DCPS: variants seen among roughly 807,000 people sequenced by gnomAD.
The protein encoded by DCPS is decapping enzyme, scavenger, also known as m7GpppX diphosphatase.
A neutral mutation model predicts 34.7 loss-of-function variants in DCPS; 27 were observed. The observed-to-expected ratio is 0.78, with a 90% confidence interval of 0.57 to 1.07. The LOEUF is 1.07. Ranked by LOEUF, DCPS falls within the 50% of genes least tolerant of loss-of-function variation. The pLI is 0.00. For synonymous variants in DCPS, 185 were observed against 185.7 expected, an observed-to-expected ratio of 1.00 and a Z score of 0.03; for missense variants, 464 against 436.9, an observed-to-expected ratio of 1.06 and a Z score of -0.55.
At chr11:126,309,650 C>G (rs553220460) in intron 2 of DCPS, among the ~76,000 whole-genome samples, 2 of 152,260 alleles carry the variant, frequency 1.3e-5, no homozygotes, top group South Asian at 2.1e-4. Context: ...CATGCGGTGC[C>G]TTTCGCTCCT....
chr11:126,330,688 CATATATATATATAT>C lies in DCPS; in HGVS notation c.377-698_377-685del, dbSNP rs766232318. ...TTAAGGGGACTACTGGGCTTTAAAC[CATATATATATATAT>C]ATATATATATATATATATTTTTTTT... On this transcript the variant is annotated intron_variant, in intron 2 of 5. Coordinates refer to ENST00000263579, the MANE Select transcript of DCPS (RefSeq NM_014026.6). 1.9e-3 allele frequency among the ~76,000 whole-genome samples: 60 copies of C among 31,600 alleles called. 1 individual carries two copies. The highest frequency in any genetic ancestry group is 5.9e-3 in the African/African-American group (43 of 7,262). 20.7% of individuals were successfully genotyped at this position (31,600 alleles called of 152,430 possible). A position where few individuals can be genotyped will look rare whatever the true frequency, so the allele number is the denominator to read the frequency against.
rs1951799551 is a variant in DCPS at position 126,332,210 on chromosome 11, G to C, written c.522+660G>C. On this transcript the variant is annotated intron_variant, in intron 3 of 5. Coordinates refer to ENST00000263579, the MANE Select transcript of DCPS (RefSeq NM_014026.6). This position sits in a 1 kb window ranked among gnomAD's most constrained non-coding sequence, Gnocchi z 5.4. ...GTCCAAAAGAAGGCAGGACCCCATT[G>C]GCCCCGGGGATTTGGTGCAGGGACT... Among the ~76,000 whole-genome samples, 1 of 152,170 alleles carries C rather than the reference G, an allele frequency of 6.6e-6. No homozygotes were observed. The highest frequency in any genetic ancestry group is 2.4e-5 in the African/African-American group (1 of 41,442).
Position 126,332,982 on chromosome 11 carries a change from C to T in DCPS, c.522+1432C>T, listed in dbSNP as rs944118513. On this transcript the variant is annotated intron_variant, in intron 3 of 5. Coordinates refer to ENST00000263579, the MANE Select transcript of DCPS (RefSeq NM_014026.6). The surrounding 1 kb of genome is among the most constrained non-coding windows in gnomAD (Gnocchi z 5.4). ...TGGTTGGTGTGAGTAGCTGGGATTA[C>T]AGGTGCTTGCCACCATGCCTGGCTA... is the stretch of plus-strand genomic sequence containing the variant. Among the ~76,000 whole-genome samples, 2 of 152,132 alleles carry T rather than the reference C, an allele frequency of 1.3e-5. No individual in the cohort carries two copies. The highest frequency in any genetic ancestry group is 2.9e-5 in the Non-Finnish European group (2 of 68,028).
At chr11:126,326,290 G>A (rs898820623) in intron 2 of DCPS, among the ~76,000 whole-genome samples, 3 of 152,160 alleles carry the variant, frequency 2.0e-5, no homozygotes, top group Admixed American at 1.3e-4. Context: ...ATGGCAGGGA[G>A]AGCCTGGCAA....
chr11:126,304,157 A>G lies in DCPS; in HGVS notation c.77A>G (p.Glu26Gly). 1 of 1,614,232 alleles carries G rather than the reference A, an allele frequency of 6.2e-7. No individual in the cohort carries two copies. ...GAGGAGGCCCACGCCGCCAGCACAG[A>G]GGAAAAGGAGGCAGGAGTTGGAAAT... ...DVEEAHAASTEEKEAGVGNGT... is the reference protein window; with the variant it reads ...DVEEAHAASTGEKEAGVGNGT... The change falls in exon 1 of 6, where the codon GAG (glutamate) becomes GGG (glycine). Residue 26 changes from glutamate to glycine, a missense_variant. Glu to Gly is a moderately conservative substitution (Grantham distance 98). Coordinates refer to ENST00000263579, the MANE Select transcript of DCPS (RefSeq NM_014026.6).
Position 126,320,946 on chromosome 11 carries a change from A to T in DCPS, c.377-10459A>T, listed in dbSNP as rs2135318804. ...TGCCCCAGCAGGAGAGTAGAGCAGAAATGTCTGGAGAGGGTGACATACCAG... is the reference window on the plus strand; with the variant it reads ...TGCCCCAGCAGGAGAGTAGAGCAGATATGTCTGGAGAGGGTGACATACCAG... On this transcript the variant is annotated intron_variant, in intron 2 of 5. Transcript: ENST00000263579. The surrounding 1 kb of genome is among the most constrained non-coding windows in gnomAD (Gnocchi z 4.7). Among the ~76,000 whole-genome samples the T allele has an allele frequency of 6.6e-6, 1 of 152,162 alleles. No individual in the cohort carries two copies. Among genetic ancestry groups the T allele is most frequent in the African/African-American group, 2.4e-5 (1 of 41,530 alleles).
Position 126,313,255 on chromosome 11 carries a change from A to T in DCPS, c.376+6511A>T, listed in dbSNP as rs1234305983. On this transcript the variant is annotated intron_variant, in intron 2 of 5. Coordinates refer to ENST00000263579, the MANE Select transcript of DCPS (RefSeq NM_014026.6). This position sits in a 1 kb window ranked among gnomAD's most constrained non-coding sequence, Gnocchi z 4.9. ...TCCTGGGAATCGTTTCTCTGGTTGC[A>T]GGGAACTCCCGGTACTGTAGCCACA... 3.9e-5 allele frequency among the ~76,000 whole-genome samples: 6 copies of T among 152,194 alleles called. No individual in the cohort carries two copies. Among genetic ancestry groups the T allele is most frequent in the Non-Finnish European group, 8.8e-5 (6 of 68,038 alleles).
At position 126,345,023 on chromosome 11, in the gene DCPS, C is replaced by T. The variant is rs1253989434; in HGVS notation, c.748-324C>T. On this transcript the variant is annotated intron_variant, in intron 5 of 5. Coordinates refer to ENST00000263579, the MANE Select transcript of DCPS (RefSeq NM_014026.6). The surrounding 1 kb of genome is among the most constrained non-coding windows in gnomAD (Gnocchi z 7.4). ...GGAATCTGGGGCCTGTCTGTAGACA[C>T]TGGGCCTTCCAAGATTCCCAGCAGC... 6.6e-6 allele frequency among the ~76,000 whole-genome samples: 1 copy of T among 152,256 alleles called. No homozygotes were observed. The highest frequency in any genetic ancestry group is 1.5e-5 in the Non-Finnish European group (1 of 68,046).
At position 126,347,003 on chromosome 11, in the gene DCPS, T is replaced by A. The variant is rs1951937020; in HGVS notation, c.*1390T>A. Among the ~76,000 whole-genome samples, 1 of 151,432 alleles carries A rather than the reference T, an allele frequency of 6.6e-6. No homozygotes were observed. The highest frequency in any genetic ancestry group is 1.5e-5 in the Non-Finnish European group (1 of 67,916). The stretch of plus-strand genomic sequence containing the variant: ...TACTTGGGAGGCTGAAGCAGGAGAA[T>A]CCCTTGAACCCGGGAGGCGGAGGTT... On this transcript the variant is annotated 3_prime_UTR_variant, in exon 6 of 6. Coordinates refer to ENST00000263579, the MANE Select transcript of DCPS (RefSeq NM_014026.6). This position sits in a 1 kb window ranked among gnomAD's most constrained non-coding sequence, Gnocchi z 4.2.
In DCPS at chr11:126,337,227, T is replaced by G. The variant is rs1223434581; in HGVS notation, c.523-1059T>G. The G allele has an allele frequency of 2.0e-5, 3 of 152,136 alleles. No individual in the cohort carries two copies. Among genetic ancestry groups the G allele is most frequent in the Non-Finnish European group, 4.4e-5 (3 of 68,032 alleles). The allele number at this position is 152,136 out of a possible 1,614,324, so 9.4% of individuals were successfully genotyped here. On this transcript the variant is annotated intron_variant, in intron 3 of 5. Coordinates refer to ENST00000263579, the MANE Select transcript of DCPS (RefSeq NM_014026.6). This position sits in a 1 kb window ranked among gnomAD's most constrained non-coding sequence, Gnocchi z 5.3. ...CTACATCAGTGAGCTCGGAGACCAT[T>G]CTGACTGTGAGGAGGAAGGGGCAGT... is the stretch of plus-strand genomic sequence containing the variant.
chr11:126,347,223 CTTTTTT>C lies in DCPS; in HGVS notation c.*1625_*1630del, dbSNP rs1229980101. Among the ~76,000 whole-genome samples, 2 of 122,746 alleles carry C rather than the reference CTTTTTT, an allele frequency of 1.6e-5. No homozygotes were observed. The highest frequency in any genetic ancestry group is 8.2e-5 in the Admixed American group (1 of 12,136). The allele number at this position is 122,746 out of a possible 152,430, so 80.5% of individuals were successfully genotyped here. A position where few individuals can be genotyped will look rare whatever the true frequency, so the allele number is the denominator to read the frequency against. On this transcript the variant is annotated 3_prime_UTR_variant, in exon 6 of 6. Transcript: ENST00000263579. This position sits in a 1 kb window ranked among gnomAD's most constrained non-coding sequence, Gnocchi z 4.2. Reference sequence around the variant, plus strand: ...CACTCAGCCATTCTTCCCTGCAGCTCTTTTTTTTTTTTTTTTTTTTGAGACAATCTC... The same window carrying C: ...CACTCAGCCATTCTTCCCTGCAGCTCTTTTTTTTTTTTTTGAGACAATCTC...
At chr11:126,339,909 G>A (rs903094538) in intron 4 of DCPS, among the ~76,000 whole-genome samples, 2 of 152,182 alleles carry the variant, frequency 1.3e-5, no homozygotes, top group Non-Finnish European at 2.9e-5. Context: ...GGGGCCCACC[G>A]TTAATGAGAA....
At chr11:126,321,393 C>T (rs1015843510) in intron 2 of DCPS, among the ~76,000 whole-genome samples, 17 of 152,090 alleles carry the variant, frequency 1.1e-4, no homozygotes, top group African/African-American at 4.1e-4. Context: ...TGCAGTGTTG[C>T]CGTGATCCCC....
In DCPS at chr11:126,345,657, G is replaced by T; in HGVS notation, c.*44G>T. 1 of 1,584,106 alleles carries T rather than the reference G, an allele frequency of 6.3e-7. No homozygotes were observed. ...GCACAGATGTGTGGGATTGGGGGAG[G>T]AGTGGGGACAAGATTTTTTATCTCC... On this transcript the variant is annotated 3_prime_UTR_variant, in exon 6 of 6. Coordinates refer to ENST00000263579, the MANE Select transcript of DCPS (RefSeq NM_014026.6). The surrounding 1 kb of genome is among the most constrained non-coding windows in gnomAD (Gnocchi z 7.4).
rs768872827 is a variant in DCPS, at chr11:126,345,455, G to A, written c.856G>A (p.Glu286Lys). The change falls in exon 6 of 6, where the codon GAG (glutamate) becomes AAG (lysine). Residue 286 changes from glutamate to lysine, a missense_variant. Glu to Lys is a moderately conservative substitution (Grantham distance 56). Coordinates refer to ENST00000263579, the MANE Select transcript of DCPS (RefSeq NM_014026.6). This position sits in a 1 kb window ranked among gnomAD's most constrained non-coding sequence, Gnocchi z 7.4. ...TGTGCACTTCACCGCCCTGGGCTTC[G>A]AGGCCCCCGGCTCAGGCGTGGAGCG... ...LHVHFTALGF[E>K]APGSGVERAH... 3.1e-6 allele frequency: 5 copies of A among 1,614,022 alleles called. No homozygotes were observed. The highest frequency in any genetic ancestry group is 2.2e-5 in the East Asian group (1 of 44,898).
At chr11:126,309,425 G>A (rs1301285698) in intron 2 of DCPS, among the ~76,000 whole-genome samples, 1 of 152,090 alleles carries the variant, frequency 6.6e-6, no homozygotes, top group Non-Finnish European at 1.5e-5. Context: ...ATATAAAATG[G>A]TGTAGTATTT....
chr11:126,331,520 C>T lies in DCPS; in HGVS notation c.492C>T (p.Pro164=), dbSNP rs1183045321. The change falls in exon 3 of 6, where the codon CCC becomes CCT. Residue 164 remains proline (P), a synonymous_variant. Coordinates refer to ENST00000263579, the MANE Select transcript of DCPS (RefSeq NM_014026.6). This position sits in a 1 kb window ranked among gnomAD's most constrained non-coding sequence, Gnocchi z 7.2. The part of the protein sequence containing the change: ...TGDDYRNITL[P]HLESQSLSIQ... ...ATGACTACAGGAATATTACTTTACC[C>T]CACCTGGAGTCCCAGAGCCTCAGCA... 1 of 1,614,146 alleles carries T rather than the reference C, an allele frequency of 6.2e-7. No individual in the cohort carries two copies. The highest frequency in any genetic ancestry group is 1.1e-5 in the South Asian group (1 of 91,080).
rs1248508656 is a variant in DCPS, at chr11:126,322,495, C to A, written c.377-8910C>A. Reference sequence around the variant, plus strand: ...GCCAAGTTGGTCTTGAACTCCTGACCTCAGGTGATCTGCCTGCCTGAACCT... The same window carrying A: ...GCCAAGTTGGTCTTGAACTCCTGACATCAGGTGATCTGCCTGCCTGAACCT... On this transcript the variant is annotated intron_variant, in intron 2 of 5. Transcript: ENST00000263579. The surrounding 1 kb of genome is among the most constrained non-coding windows in gnomAD (Gnocchi z 4.2). Among the ~76,000 whole-genome samples, 1 of 152,054 alleles carries A rather than the reference C, an allele frequency of 6.6e-6. No homozygotes were observed. The highest frequency in any genetic ancestry group is 1.5e-5 in the Non-Finnish European group (1 of 68,026).
chr11:126,309,680 G>A (rs73017385), intron 2 of DCPS, among the ~76,000 whole-genome samples: 25,488 of 152,162 alleles, frequency 0.17, 2,550 homozygotes, highest in Non-Finnish European at 0.24. Flanking sequence ...ACCAAAACTA[G>A]GGATGGGGAT....
Sources: gnomAD v4.1 joint callset for allele counts (sites outside exome capture counted in the v4.1 genomes callset) on GRCh38, gnomAD v4.1.1 for gene constraint, Gnocchi (gnomAD v3.1) non-coding constraint, MANE v1.5 for transcripts, NCBI Gene and HGNC (gene_info 2026-07-23, HGNC 2026-07-21) for gene names.